Variants in HIVEP3 observed in about 807,000 individuals in gnomAD.
HIVEP3 encodes the protein HIVEP zinc finger 3, also known as transcription factor HIVEP3.
HIVEP3 carries 49 observed loss-of-function variants against 152.8 expected under a neutral mutation model. The ratio of observed to expected loss-of-function variants is 0.32; its 90% confidence interval spans 0.26 to 0.41. The LOEUF is 0.41. HIVEP3 is among the 10% of genes least tolerant of loss of function. The pLI is 1.00. For missense variants in HIVEP3, 2,790 were observed against 3,103.3 expected (o/e 0.90, Z 2.40); for synonymous variants, 1,269 against 1,289.0 (o/e 0.98, Z 0.33).
chr1:41,702,781 T>G (rs1316613402), intron 1 of HIVEP3, among the ~76,000 whole-genome samples: 2 of 152,226 alleles, frequency 1.3e-5, no homozygotes, highest in African/African-American at 4.8e-5. Context: ...TAAAACAGTC[T>G]TGGAGGTTCA....
intron 2 of HIVEP3, among the ~76,000 whole-genome samples, chr1:41,688,130 T>C (rs1008472767): frequency 1.3e-5 from 2 of 152,218 alleles, no homozygotes; most frequent in African/African-American, 2.4e-5. Flanking sequence ...TGGGAAGTGA[T>C]ATGGGGTCAG....
intron 1 of HIVEP3, among the ~76,000 whole-genome samples, chr1:41,780,813 C>G (rs1648999537): frequency 6.6e-6 from 1 of 152,094 alleles, no homozygotes; most frequent in Admixed American, 6.6e-5. Flanking sequence ...CTATGCTAAG[C>G]CAGGCATGGA....
intron 1 of HIVEP3, among the ~76,000 whole-genome samples, chr1:41,706,589 A>G (rs1389496831): frequency 6.6e-6 from 1 of 152,222 alleles, no homozygotes; most frequent in Non-Finnish European, 1.5e-5. Flanking sequence ...GCTGGAATAC[A>G]TGTATTTTAA....
intron 5 of HIVEP3, among the ~76,000 whole-genome samples, chr1:41,545,425 TCAC>T (rs1198470480): frequency 0.013 from 681 of 54,398 alleles, 15 homozygotes; most frequent in South Asian, 0.05. Context: ...ATCGCTACAA[TCAC>T]CACCACCACC....
upstream of HIVEP3, among the ~76,000 whole-genome samples, chr1:41,922,961 T>C (rs1644949190): frequency 1.3e-5 from 2 of 152,084 alleles, no homozygotes; most frequent in South Asian, 4.1e-4. Context: ...TTTTTTTAGG[T>C]TGAAATAGAT....
chr1:41,933,248 T>C (rs1645003952), intron 1 of HIVEP3, among the ~76,000 whole-genome samples: 1 of 152,138 alleles, frequency 6.6e-6, no homozygotes, highest in South Asian at 2.1e-4. Context: ...TATCATTTAC[T>C]GAAAAAGGAG....
intron 3 of HIVEP3, among the ~76,000 whole-genome samples, chr1:41,605,368 C>A (rs1219218760): frequency 9.9e-6 from 1 of 101,138 alleles, no homozygotes; most frequent in Non-Finnish European, 2.0e-5. Context: ...TACACACACG[C>A]ACACGCGCAC....
chr1:41,603,149 C>T (rs1644770521), intron 3 of HIVEP3, among the ~76,000 whole-genome samples: 2 of 152,150 alleles, frequency 1.3e-5, no homozygotes, highest in Admixed American at 6.6e-5. Context: ...TCACTGCAAC[C>T]TCCACCTCCC....
rs1207125171 is a variant in HIVEP3, at chr1:41,583,064, G to A, written c.1734C>T (p.His578=). ...GCATCCGGGGGTGGGAGGTAAACAC[G>A]TGACTGCTGTGGCTCAGGGCTTCGG... ...TDSEALSHSS[H]VFTSHPRMLK... is the part of the protein sequence containing the mutation. Residue 578 remains histidine (H), a synonymous_variant, in exon 4 of 9, where the codon CAC becomes CAT. Coordinates refer to ENST00000372583, the MANE Select transcript of HIVEP3 (RefSeq NM_024503.5). This position sits in a 1 kb window ranked among gnomAD's most constrained non-coding sequence, Gnocchi z 6.9. 3.7e-6 allele frequency: 6 copies of A among 1,613,774 alleles called. No individual in the cohort carries two copies. The highest frequency in any genetic ancestry group is 2.2e-5 in the East Asian group (1 of 44,870).
chr1:41,521,746 G>GCATC (rs1642764400), intron 6 of HIVEP3, among the ~76,000 whole-genome samples: 1 of 152,204 alleles, frequency 6.6e-6, no homozygotes, highest in East Asian at 1.9e-4. Flanking sequence ...CGATAAAAGG[G>GCATC]CATCCACCAA....
intron 1 of HIVEP3, among the ~76,000 whole-genome samples, chr1:42,016,794 A>G (rs1645525601): frequency 6.6e-6 from 1 of 152,166 alleles, no homozygotes; most frequent in African/African-American, 2.4e-5. Context: ...AACAGGGTGT[A>G]CCTTATATAA....
At chr1:41,773,379 C>T (rs1017262961) in intron 1 of HIVEP3, among the ~76,000 whole-genome samples, 4 of 152,190 alleles carry the variant, frequency 2.6e-5, no homozygotes, top group African/African-American at 7.2e-5. Context: ...ACAGGGATGG[C>T]GTTCAGTAGG....
At chr1:41,560,342 G>A (rs1020632624) in intron 5 of HIVEP3, among the ~76,000 whole-genome samples, 4 of 152,198 alleles carry the variant, frequency 2.6e-5, no homozygotes, top group Non-Finnish European at 5.9e-5. Context: ...GCTAAACTGG[G>A]ACACATGCCG....
At chr1:41,975,949 C>G (rs1050497547) in intron 1 of HIVEP3, among the ~76,000 whole-genome samples, 2 of 152,144 alleles carry the variant, frequency 1.3e-5, no homozygotes, top group Non-Finnish European at 2.9e-5. Context: ...TAGAAGAACA[C>G]CCAGCCAGCA....
At chr1:41,550,261 C>T (rs1643880704) in intron 5 of HIVEP3, among the ~76,000 whole-genome samples, 1 of 152,302 alleles carries the variant, frequency 6.6e-6, no homozygotes, top group South Asian at 2.1e-4. Flanking sequence ...TAGTACCATG[C>T]TGTTTTGGTT....
intron 5 of HIVEP3, among the ~76,000 whole-genome samples, chr1:41,532,726 TG>T (rs1375157950): frequency 1.3e-5 from 2 of 151,856 alleles, no homozygotes; most frequent in Non-Finnish European, 1.5e-5. Flanking sequence ...CCCCCGAGCT[TG>T]GGGGGAAGTG....
intron 1 of HIVEP3, among the ~76,000 whole-genome samples, chr1:41,868,104 C>T (rs1198791392): frequency 1.3e-5 from 2 of 152,164 alleles, no homozygotes; most frequent in Non-Finnish European, 2.9e-5. Context: ...TTTCCCCTAG[C>T]TGATACTAAC....
At chr1:41,545,039 T>TCGCTACCATCACCACCACC (rs1558047569) in intron 5 of HIVEP3, among the ~76,000 whole-genome samples, 5 of 17,868 alleles carry the variant, frequency 2.8e-4, no homozygotes, top group Non-Finnish European at 3.9e-4. Flanking sequence ...CCACCACCAA[T>TCGCTACCATCACCACCACC]ACCACTACCA....
chr1:41,637,469 C>T (rs931086505), intron 2 of HIVEP3, among the ~76,000 whole-genome samples: 9 of 152,176 alleles, frequency 5.9e-5, no homozygotes, highest in Non-Finnish European at 1.0e-4. Flanking sequence ...AACAGTCTGC[C>T]GGGTGGAAGG....
Sources: allele counts gnomAD v4.1 joint callset (sites outside exome capture counted in the v4.1 genomes callset), GRCh38; gene constraint gnomAD v4.1.1; non-coding constraint Gnocchi (gnomAD v3.1); transcripts MANE v1.5; gene names NCBI Gene and HGNC (gene_info 2026-07-23, HGNC 2026-07-21).